FBXO36: variants seen among roughly 807,000 people sequenced by gnomAD.
FBXO36 encodes F-box only protein 36.
A neutral mutation model predicts 17.0 loss-of-function variants in FBXO36; 18 were observed. The observed-to-expected ratio is 1.06, with a 90% confidence interval of 0.73 to 1.57. The LOEUF (loss-of-function observed/expected upper bound fraction) is 1.57. Among genes scored for constraint, FBXO36 ranks in the 40% most tolerant of loss-of-function variants. The pLI is 0.00. For missense variants in FBXO36, 229 were observed against 221.9 expected (o/e 1.03, Z -0.20); for synonymous variants, 83 against 85.3 (o/e 0.97, Z 0.15).
rs116676499 is a variant in FBXO36 at position 229,931,410 on chromosome 2, C to A, written c.96+8801C>A. Among the ~76,000 whole-genome samples, 339 of 152,276 alleles carry A rather than the reference C, an allele frequency of 2.2e-3. 1 individual carries two copies. Among genetic ancestry groups the A allele is most frequent in the African/African-American group, 7.6e-3 (315 of 41,544 alleles). On this transcript the variant is annotated intron_variant, in intron 1 of 3. Coordinates refer to ENST00000283946, the MANE Select transcript of FBXO36 (RefSeq NM_174899.5). ...CACTTAATTGGAAGTCACTGAGTCACGGATCCTTTCATTCCTCCTGCAGTC... is the reference window on the plus strand; with the variant it reads ...CACTTAATTGGAAGTCACTGAGTCAAGGATCCTTTCATTCCTCCTGCAGTC...
intron 3 of FBXO36, among the ~76,000 whole-genome samples, chr2:230,001,756 G>C (rs538409906): frequency 9.2e-5 from 14 of 152,126 alleles, no homozygotes; most frequent in Admixed American, 2.0e-4. Context: ...TACCTGACAC[G>C]TGGTTCCAGG....
intron 2 of FBXO36, among the ~76,000 whole-genome samples, chr2:229,989,574 T>A (rs2396703): frequency 0.16 from 24,435 of 151,552 alleles, 2,045 homozygotes; most frequent in Admixed American, 0.22. Context: ...ATTTTGTTTG[T>A]TGTTTGTTTC....
At chr2:229,997,674 G>A (rs961576522) in intron 3 of FBXO36, among the ~76,000 whole-genome samples, 2 of 151,976 alleles carry the variant, frequency 1.3e-5, no homozygotes, top group Non-Finnish European at 2.9e-5. Flanking sequence ...TGCATTTCCT[G>A]TCTCCCAATA....
intron 1 of FBXO36, among the ~76,000 whole-genome samples, chr2:229,936,285 CAG>C (rs2076963669): frequency 6.6e-6 from 1 of 152,182 alleles, no homozygotes. Flanking sequence ...TTGCTGTGGC[CAG>C]AGTCACAGTT....
intron 1 of FBXO36, among the ~76,000 whole-genome samples, chr2:229,951,761 A>G (rs1057318644): frequency 1.3e-5 from 2 of 152,340 alleles, no homozygotes; most frequent in Non-Finnish European, 1.5e-5. Context: ...GGCCAAAACA[A>G]TGGTCTCCCA....
intron 1 of FBXO36, chr2:229,937,715 CCTT>C (rs2076971554): frequency 6.6e-6 from 1 of 152,090 alleles, no homozygotes; most frequent in African/African-American, 2.4e-5. Context: ...CCTTTCCTGA[CCTT>C]CTTACCAAGG....
intron 1 of FBXO36, among the ~76,000 whole-genome samples, chr2:229,951,677 G>T (rs1000695339): frequency 6.7e-6 from 1 of 150,174 alleles, no homozygotes; most frequent in East Asian, 2.0e-4. Flanking sequence ...AGTTTCAGTT[G>T]GATGATGGGG....
At chr2:229,931,461 C>G (rs2076937984) in intron 1 of FBXO36, among the ~76,000 whole-genome samples, 1 of 152,156 alleles carries the variant, frequency 6.6e-6, no homozygotes, top group South Asian at 2.1e-4. Context: ...TGGGGCAAGG[C>G]ACTTAATTTG....
intron 1 of FBXO36, among the ~76,000 whole-genome samples, chr2:229,943,484 A>G (rs959940964): frequency 1.3e-5 from 2 of 152,162 alleles, no homozygotes; most frequent in Non-Finnish European, 2.9e-5. Context: ...TCTTTCCACT[A>G]TAAATAAGGC....
chr2:229,978,673 A>G (rs759763050), intron 2 of FBXO36, among the ~76,000 whole-genome samples: 1 of 152,178 alleles, frequency 6.6e-6, no homozygotes, highest in African/African-American at 2.4e-5. Context: ...TGTTATTTCT[A>G]TTAATATCAA....
chr2:229,985,881 T>C (rs565253068), intron 2 of FBXO36, among the ~76,000 whole-genome samples: 20 of 151,972 alleles, frequency 1.3e-4, no homozygotes, highest in Admixed American at 1.2e-3. Context: ...AGACACTGTC[T>C]ATACAAAATT....
intron 2 of FBXO36, among the ~76,000 whole-genome samples, chr2:229,995,605 T>C (rs2077322497): frequency 6.8e-6 from 1 of 147,306 alleles, no homozygotes; most frequent in Admixed American, 6.8e-5. Flanking sequence ...TCTTTTTTTT[T>C]TTTTTGGACA....
At chr2:229,990,936 C>CT (rs913273675) in intron 2 of FBXO36, among the ~76,000 whole-genome samples, 20 of 151,806 alleles carry the variant, frequency 1.3e-4, no homozygotes, top group African/African-American at 4.8e-4. Context: ...GGTTTTCTTT[C>CT]TTTTTTTTCC....
At chr2:229,973,638 T>C (rs1029436805) in intron 1 of FBXO36, among the ~76,000 whole-genome samples, 5 of 151,342 alleles carry the variant, frequency 3.3e-5, no homozygotes, top group Non-Finnish European at 7.4e-5. Flanking sequence ...GGAGAATTGC[T>C]TGAACCCGGG....
At chr2:229,965,440 A>G (rs2077146997) in intron 1 of FBXO36, among the ~76,000 whole-genome samples, 1 of 151,382 alleles carries the variant, frequency 6.6e-6, no homozygotes, top group African/African-American at 2.4e-5. Context: ...TTTGTTACAT[A>G]TGTATACATG....
At chr2:229,931,718 A>G (rs571418939) in intron 1 of FBXO36, among the ~76,000 whole-genome samples, 1 of 152,108 alleles carries the variant, frequency 6.6e-6, no homozygotes, top group South Asian at 2.1e-4. Flanking sequence ...GCATGCCTGT[A>G]ATCCCAGCTA....
chr2:229,983,213 T>G (rs2077250090), intron 2 of FBXO36, among the ~76,000 whole-genome samples: 1 of 151,968 alleles, frequency 6.6e-6, no homozygotes, highest in South Asian at 2.1e-4. Context: ...CCGTCTCTAC[T>G]AAAAATACAA....
chr2:229,984,165 T>A (rs1401229469), intron 2 of FBXO36, among the ~76,000 whole-genome samples: 6 of 151,816 alleles, frequency 4.0e-5, no homozygotes, highest in Admixed American at 3.3e-4. Flanking sequence ...CTGGCCAACA[T>A]GGTGAAACCC....
intron 1 of FBXO36, 102 bp downstream of exon 1, chr2:229,922,711 C>T (rs1324841854): frequency 3.3e-6 from 4 of 1,219,972 alleles, no homozygotes; most frequent in Non-Finnish European, 4.6e-6. Flanking sequence ...CGTAGCCCGC[C>T]GGAAGCGCCC....
Sources: gnomAD v4.1 joint callset for allele counts (sites outside exome capture counted in the v4.1 genomes callset) on GRCh38, gnomAD v4.1.1 for gene constraint, MANE v1.5 for transcripts, NCBI Gene and HGNC (gene_info 2026-07-23, HGNC 2026-07-21) for gene names.